Variants in CHID1 observed in about 807,000 individuals in gnomAD.
CHID1 encodes chitinase domain containing 1, also known as chitinase domain-containing protein 1.
A neutral mutation model predicts 55.4 loss-of-function variants in CHID1; 44 were observed. The observed-to-expected ratio is 0.79, with a 90% CI of 0.62 to 1.02. The LOEUF is 1.02. Among genes scored for constraint, CHID1 ranks in the 50% least tolerant of loss-of-function variants. The pLI is 0.00. For missense variants in CHID1, 491 were observed against 515.3 expected (o/e 0.95, Z 0.46); for synonymous variants, 216 against 212.9 (o/e 1.01, Z -0.13).
intron 10 of CHID1, among the ~76,000 whole-genome samples, chr11:873,624 T>C (rs1243964455): frequency 1.3e-5 from 2 of 151,920 alleles, no homozygotes; most frequent in African/African-American, 4.8e-5. Context: ...AAGGACTCAA[T>C]GAACACGGAC....
upstream of CHID1, among the ~76,000 whole-genome samples, chr11:913,936 T>C (rs1852823476): frequency 6.6e-6 from 1 of 151,712 alleles, no homozygotes; most frequent in Non-Finnish European, 1.5e-5. Flanking sequence ...GACGTGGTGG[T>C]GTGCACCTGT....
At chr11:899,093 CA>C (rs1027101550) in intron 7 of CHID1, among the ~76,000 whole-genome samples, 2 of 152,272 alleles carry the variant, frequency 1.3e-5, no homozygotes, top group Admixed American at 1.3e-4. Context: ...AGGCCTGGCG[CA>C]GCAATGCGCT....
rs757164828 is a variant in CHID1, at chr11:902,210, C to A, written c.382G>T (p.Asp128Tyr). The A allele has an allele frequency of 6.2e-7, 1 of 1,613,938 alleles. No homozygotes were observed. Among genetic ancestry groups the A allele is most frequent in the South Asian group, 1.1e-5 (1 of 91,068 alleles). ...REMFEVTGLHDVDQGWMRAVR... is the reference protein window; with the variant it reads ...REMFEVTGLHYVDQGWMRAVR... ...GAAGGATGAGAACCTTGGTCCACGT[C>A]GTGGAGGCCCGTGACCTCAAACATC... The change falls in exon 4 of 13, where the codon GAC (aspartate) becomes TAC (tyrosine). Residue 128 changes from aspartate (D) to tyrosine (Y), a missense_variant. Asp to Tyr is a radical substitution (Grantham distance 160). Coordinates refer to ENST00000323578, the MANE Select transcript of CHID1 (RefSeq NM_023947.4).
chr11:893,507 G>A lies in CHID1; in HGVS notation c.621C>T (p.His207=), dbSNP rs1851007597. The change falls in exon 8 of 13, where the codon CAC becomes CAT. Residue 207 remains histidine (H), a synonymous_variant. Transcript: ENST00000323578. ...LLSQKRVGLI[H]MLTHLAEALH... ...GAGCCTCGGCCAAGTGGGTGAGCAT[G>A]TGGATGAGGCCCCTGCAAGAACCGA... 21 of 1,550,566 alleles carry A rather than the reference G, an allele frequency of 1.4e-5. No homozygotes were observed. The highest frequency in any genetic ancestry group is 1.8e-5 in the Non-Finnish European group (21 of 1,146,548).
Position 900,092 on chromosome 11 carries a change from T to C in CHID1, c.458A>G (p.Glu153Gly). The part of the protein sequence containing the change: ...GLHIVPRLLF[E>G]DWTYDDFRNV... Reference sequence around the variant, plus strand: ...CCGGAAATCATCGTAAGTCCAGTCCTCAAACAGGAGCCGAGGCACTGCAGG... The same window carrying C: ...CCGGAAATCATCGTAAGTCCAGTCCCCAAACAGGAGCCGAGGCACTGCAGG... Residue 153 changes from glutamate to glycine, a missense_variant, in exon 6 of 13, where the codon GAG becomes GGG. Coordinates refer to ENST00000323578, the MANE Select transcript of CHID1 (RefSeq NM_023947.4). 6.2e-7 allele frequency: 1 copy of C among 1,613,778 alleles called. No individual in the cohort carries two copies. Among genetic ancestry groups the C allele is most frequent in the Non-Finnish European group, 8.5e-7 (1 of 1,179,902 alleles).
At chr11:888,411 C>A (rs1850554280) in intron 8 of CHID1, among the ~76,000 whole-genome samples, 1 of 152,204 alleles carries the variant, frequency 6.6e-6, no homozygotes, top group Admixed American at 6.5e-5. Flanking sequence ...AGGGCCACTG[C>A]CAGGTGTCCT....
chr11:907,274 G>A (rs1285327912), intron 1 of CHID1, among the ~76,000 whole-genome samples: 1 of 152,182 alleles, frequency 6.6e-6, no homozygotes, highest in African/African-American at 2.4e-5. Flanking sequence ...GAGGTCAGGA[G>A]ATCGAGACCA....
chr11:913,782 A>AT (rs1429472267), upstream of CHID1, among the ~76,000 whole-genome samples: 1 of 150,534 alleles, frequency 6.6e-6, no homozygotes, highest in African/African-American at 2.4e-5. Flanking sequence ...AAAAAAAAAA[A>AT]GGCCAGGCAC....
chr11:876,444 T>C (rs1238068794), intron 10 of CHID1, among the ~76,000 whole-genome samples: 1 of 152,134 alleles, frequency 6.6e-6, no homozygotes, highest in Non-Finnish European at 1.5e-5. Flanking sequence ...TCCAAGGAGC[T>C]GCGAACACGG....
chr11:878,999 A>C (rs1183501664), intron 10 of CHID1, among the ~76,000 whole-genome samples: 2 of 151,794 alleles, frequency 1.3e-5, no homozygotes, highest in Non-Finnish European at 2.9e-5. Context: ...GGTGCCCTCC[A>C]CCACGCCCGG....
chr11:897,223 G>C (rs1328934431), intron 7 of CHID1, among the ~76,000 whole-genome samples: 1 of 122,530 alleles, frequency 8.2e-6, no homozygotes, highest in African/African-American at 3.2e-5. Flanking sequence ...CTCCACCCCA[G>C]ACACGAGCCT....
At chr11:880,492 A>G (rs1849835538) in intron 10 of CHID1, among the ~76,000 whole-genome samples, 1 of 152,148 alleles carries the variant, frequency 6.6e-6, no homozygotes, top group Non-Finnish European at 1.5e-5. Context: ...TAAGGGGACC[A>G]CCACACACGA....
chr11:869,714 G>A lies in CHID1; in HGVS notation c.*144C>T, dbSNP rs767664373. 9.9e-6 allele frequency: 7 copies of A among 705,566 alleles called. No homozygotes were observed. Among genetic ancestry groups the A allele is most frequent in the South Asian group, 1.7e-5 (1 of 59,100 alleles). 43.7% of individuals were successfully genotyped at this position (705,566 alleles called of 1,614,324 possible). On this transcript the variant is annotated 3_prime_UTR_variant, in exon 13 of 13. Coordinates refer to ENST00000323578, the MANE Select transcript of CHID1 (RefSeq NM_023947.4). ...CAGGGACCCCTCATGGGAGGATGGG[G>A]AGTCACATGGTGCCCAGGACCCCCG...
In CHID1 at chr11:900,896, T is replaced by TGAGCCATCAGGGCCTCCAC. The variant is rs758597458; in HGVS notation, c.439+21_439+39dup. 4.6e-4 allele frequency: 724 copies of TGAGCCATCAGGGCCTCCAC among 1,578,866 alleles called. 1 individual carries two copies. Among genetic ancestry groups the TGAGCCATCAGGGCCTCCAC allele is most frequent in the Non-Finnish European group, 5.1e-4 (595 of 1,161,212 alleles). ...TGCCCACCTGTCCACCCCCGCAGTT[T>TGAGCCATCAGGGCCTCCAC]GAGCCATCAGGGCCTCCACTCCTGG... On this transcript the variant is annotated intron_variant, in intron 5 of 12. Transcript: ENST00000323578.
chr11:906,608 G>C (rs577476348), intron 1 of CHID1, among the ~76,000 whole-genome samples: 1 of 152,164 alleles, frequency 6.6e-6, no homozygotes, highest in Non-Finnish European at 1.5e-5. Context: ...TGCCATGCTC[G>C]TGGTGTGCCG....
intron 10 of CHID1, chr11:882,238 T>C (rs534286112): frequency 6.6e-6 from 1 of 152,278 alleles, no homozygotes; most frequent in East Asian, 1.9e-4. Context: ...GGCAGGAGAA[T>C]GGCGTGAACC....
chr11:869,972 G>A lies in CHID1; in HGVS notation c.1084-16C>T. The A allele has an allele frequency of 3.1e-6, 5 of 1,612,214 alleles. No individual in the cohort carries two copies. The highest frequency in any genetic ancestry group is 1.7e-4 in the Middle Eastern group (1 of 6,022). On this transcript the variant is annotated splice_polypyrimidine_tract_variant and intron_variant, in intron 12 of 12. Transcript: ENST00000323578. Reference sequence around the variant, plus strand: ...CCTGCAGGGACTGGGCACAGATGGAGGTGTGAGCACCTGCTGGGGCCTGTC... The same window carrying A: ...CCTGCAGGGACTGGGCACAGATGGAAGTGTGAGCACCTGCTGGGGCCTGTC...
At chr11:912,497 C>G (rs554827583), upstream of CHID1, among the ~76,000 whole-genome samples, 14 of 152,216 alleles carry the variant, frequency 9.2e-5, no homozygotes, top group African/African-American at 3.1e-4. Flanking sequence ...ACAAAGCGGT[C>G]CGCTTCCCAA....
chr11:869,803 A>T lies in CHID1; in HGVS notation c.*55T>A. The T allele has an allele frequency of 8.8e-6, 13 of 1,484,142 alleles. No homozygotes were observed. The highest frequency in any genetic ancestry group is 1.1e-5 in the Non-Finnish European group (12 of 1,062,986). 91.9% of individuals were successfully genotyped at this position (1,484,142 alleles called of 1,614,324 possible). A position where few individuals can be genotyped will look rare whatever the true frequency, so the allele number is the denominator to read the frequency against. ...GGAGGCCTGTATTTCACACCTGCTCACTCACTCCATGGCTTAGAAAAGAAC... is the reference window on the plus strand; with the variant it reads ...GGAGGCCTGTATTTCACACCTGCTCTCTCACTCCATGGCTTAGAAAAGAAC... On this transcript the variant is annotated 3_prime_UTR_variant, in exon 13 of 13. Coordinates refer to ENST00000323578, the MANE Select transcript of CHID1 (RefSeq NM_023947.4).
Sources: gnomAD v4.1 joint callset for allele counts (sites outside exome capture counted in the v4.1 genomes callset) on GRCh38, gnomAD v4.1.1 for gene constraint, MANE v1.5 for transcripts, NCBI Gene and HGNC (gene_info 2026-07-23, HGNC 2026-07-21) for gene names.